Variants in CCDC28B observed in about 807,000 individuals in gnomAD.
The protein encoded by CCDC28B is coiled-coil domain-containing protein 28B.
In CCDC28B, 17 loss-of-function variants were observed where a neutral mutation model predicts 18.7. The observed-to-expected ratio is 0.91, with a 90% confidence interval of 0.62 to 1.36. CCDC28B has a LOEUF of 1.36. Ranked by LOEUF, CCDC28B falls within the 40% of genes most tolerant of loss-of-function variation. The pLI, the probability that CCDC28B is intolerant of heterozygous loss-of-function variation, is 0.00. For synonymous variants in CCDC28B, 116 were observed against 105.1 expected (o/e 1.10, Z -0.64); for missense variants, 213 against 251.7 (o/e 0.85, Z 1.04).
intron 1 of CCDC28B, 122 bp from the exon 2 acceptor site, chr1:32,201,791 C>T (rs902775876): frequency 1.4e-5 from 11 of 778,726 alleles, no homozygotes; most frequent in Admixed American, 9.9e-5. Context: ...CTGCCCCTAC[C>T]GTATAGATGA....
At chr1:32,196,723 T>C (rs1643034052), upstream of CCDC28B, 1 of 152,266 alleles carries the variant, frequency 6.6e-6, no homozygotes, top group East Asian at 1.9e-4. Flanking sequence ...CTGTTTTTCT[T>C]TGAAGCTAGT....
chr1:32,203,377 G>C (rs979407696), intron 2 of CCDC28B, among the ~76,000 whole-genome samples: 4 of 151,846 alleles, frequency 2.6e-5, no homozygotes, highest in African/African-American at 7.3e-5. Context: ...AGAATCACTT[G>C]AACCCAGGAG....
Position 32,204,287 on chromosome 1 carries a change from G to T in CCDC28B, c.433G>T (p.Asp145Tyr). 1 of 1,613,774 alleles carries T rather than the reference G, an allele frequency of 6.2e-7. No individual in the cohort carries two copies. The highest frequency in any genetic ancestry group is 8.5e-7 in the Non-Finnish European group (1 of 1,179,846). The change falls in exon 4 of 6, where the codon GAT (aspartate) becomes TAT (tyrosine). Residue 145 changes from aspartate (D) to tyrosine (Y), a missense_variant. Physicochemically the swap from Asp to Tyr is radical, Grantham distance 160. Transcript: ENST00000373602. ...SLDVCGEEED[D>Y]EEEEDGVTEG... The stretch of plus-strand genomic sequence containing the variant: ...GGATGTGTGTGGGGAGGAGGAGGAC[G>T]ATGAAGAGGAAGAGGATGGGGTCAC...
chr1:32,201,770 G>A (rs1196709279), intron 1 of CCDC28B, 143 bp from the exon 2 acceptor site: 4 of 656,802 alleles, frequency 6.1e-6, no homozygotes, highest in African/African-American at 5.5e-5. Context: ...AGCAGACACT[G>A]GCATCTGGCT....
At chr1:32,201,827 CCCTT>C (rs1195570752) in intron 1 of CCDC28B, 82 bp from the exon 2 acceptor site, 2 of 1,135,688 alleles carry the variant, frequency 1.8e-6, no homozygotes, top group African/African-American at 1.6e-5. Context: ...GGTCCCAGGG[CCCTT>C]CCTTGGTGCA....
At chr1:32,203,475 A>G (rs992873227) in intron 2 of CCDC28B, among the ~76,000 whole-genome samples, 5 of 152,176 alleles carry the variant, frequency 3.3e-5, no homozygotes, top group African/African-American at 1.2e-4. Flanking sequence ...AAAAAAAAGA[A>G]GAGGGGCAGA....
rs771859764 is a variant in CCDC28B, at chr1:32,204,298, A to G, written c.444A>G (p.Glu148=). 1.9e-6 allele frequency: 3 copies of G among 1,613,502 alleles called. No homozygotes were observed. Among genetic ancestry groups the G allele is most frequent in the South Asian group, 1.1e-5 (1 of 91,010 alleles). ...GGGAGGAGGAGGACGATGAAGAGGA[A>G]GAGGATGGGGTCACTGAGGGGCTGC... ...VCGEEEDDEE[E]EDGVTEGLPE... The change falls in exon 4 of 6, where the codon GAA becomes GAG. Residue 148 remains glutamate (E), a synonymous_variant. Coordinates refer to ENST00000373602, the MANE Select transcript of CCDC28B (RefSeq NM_024296.5).
chr1:32,200,947 TCCTATCTCC>T (rs1643133729), intron 1 of CCDC28B, among the ~76,000 whole-genome samples: 1 of 152,078 alleles, frequency 6.6e-6, no homozygotes, highest in African/African-American at 2.4e-5. Flanking sequence ...GAGGATGCGC[TCCTATCTCC>T]CCTCCCCACA....
chr1:32,204,122 A>AT (rs1643230725), intron 3 of CCDC28B, 64 bp from the exon 4 acceptor site: 2 of 1,604,320 alleles, frequency 1.2e-6, no homozygotes, highest in Non-Finnish European at 1.7e-6. Flanking sequence ...GGCTGGGACC[A>AT]TGGTTCCAGG....
intron 1 of CCDC28B, among the ~76,000 whole-genome samples, chr1:32,201,027 AC>A (rs1182600382): frequency 2.5e-5 from 3 of 121,844 alleles, no homozygotes; most frequent in South Asian, 2.8e-4. Flanking sequence ...AGCGCCACCC[AC>A]CCCCCCAACC....
upstream of CCDC28B, chr1:32,196,020 G>A: frequency 5.3e-6 from 1 of 188,030 alleles, no homozygotes; most frequent in South Asian, 6.0e-5. Context: ...GCACATGACA[G>A]TGTTTGTATT....
At chr1:32,200,089 T>TA (rs1450433965), upstream of CCDC28B, among the ~76,000 whole-genome samples, 2 of 152,156 alleles carry the variant, frequency 1.3e-5, no homozygotes, top group Non-Finnish European at 2.9e-5. Flanking sequence ...CCCCACCACT[T>TA]ACCAGAGAAA....
At chr1:32,204,653 G>A in intron 5 of CCDC28B, 33 bp downstream of exon 5, 1 of 1,612,884 alleles carries the variant, frequency 6.2e-7, no homozygotes, top group South Asian at 1.1e-5. Flanking sequence ...CTATGTGTGT[G>A]TGTTCCTGAG....
At chr1:32,197,639 C>T (rs1167166738), upstream of CCDC28B, 6 of 152,254 alleles carry the variant, frequency 3.9e-5, no homozygotes. The surrounding 1 kb of genome is among the most constrained non-coding windows in gnomAD (Gnocchi z 4.6). Flanking sequence ...ACACTTGTGA[C>T]CTCAGTTTTA....
intron 2 of CCDC28B, among the ~76,000 whole-genome samples, chr1:32,203,653 T>C (rs1643211641): frequency 6.6e-6 from 1 of 152,274 alleles, no homozygotes; most frequent in African/African-American, 2.4e-5. Flanking sequence ...CTGCTCTGGC[T>C]GTGTTATTAG....
upstream of CCDC28B, chr1:32,196,691 A>G (rs1178799679): frequency 6.6e-6 from 1 of 152,216 alleles, no homozygotes; most frequent in African/African-American, 2.4e-5. Context: ...GATGGATAGG[A>G]TGGTTAGGGC....
chr1:32,200,016 C>A (rs764315462), upstream of CCDC28B, among the ~76,000 whole-genome samples: 9 of 152,176 alleles, frequency 5.9e-5, no homozygotes, highest in Non-Finnish European at 1.0e-4. Context: ...GCTCCCCACA[C>A]CTGTCTCCTA....
chr1:32,203,318 C>CGTG (rs1643198201), intron 2 of CCDC28B, among the ~76,000 whole-genome samples: 1 of 151,722 alleles, frequency 6.6e-6, no homozygotes, highest in African/African-American at 2.4e-5. Context: ...ATTAGCAGGG[C>CGTG]ATAGTGGCAG....
chr1:32,197,935 T>C (rs1643059942), upstream of CCDC28B: 1 of 152,280 alleles, frequency 6.6e-6, no homozygotes, highest in African/African-American at 2.4e-5. The surrounding 1 kb of genome is among the most constrained non-coding windows in gnomAD (Gnocchi z 4.6). Context: ...CTCCACCCCA[T>C]CACGGTGGCC....
Sources: gnomAD v4.1 joint callset for allele counts (sites outside exome capture counted in the v4.1 genomes callset) on GRCh38, gnomAD v4.1.1 for gene constraint, Gnocchi (gnomAD v3.1) non-coding constraint, MANE v1.5 for transcripts, NCBI Gene and HGNC (gene_info 2026-07-23, HGNC 2026-07-21) for gene names.